TRAPPC10: variants seen among roughly 807,000 people sequenced by gnomAD.
TRAPPC10 encodes TRAPP 130 kDa subunit.
A neutral mutation model predicts 125.5 loss-of-function variants in TRAPPC10; 23 were observed. The observed-to-expected ratio is 0.18, with a 90% CI of 0.13 to 0.26. TRAPPC10 has a LOEUF of 0.26. Ranked by LOEUF, TRAPPC10 falls within the 10% of genes least tolerant of loss-of-function variation. The probability of loss-of-function intolerance (pLI) is 1.00; values close to 1 mark genes in which losing one functional copy is unlikely to be tolerated. For synonymous variants in TRAPPC10, 509 were observed against 518.0 expected, an observed-to-expected ratio of 0.98 and a Z score of 0.24; for missense variants, 1,123 against 1,308.4, an observed-to-expected ratio of 0.86 and a Z score of 2.19.
chr21:44,072,106 G>T (rs1432999007), intron 7 of TRAPPC10, among the ~76,000 whole-genome samples: 2 of 152,234 alleles, frequency 1.3e-5, no homozygotes, highest in East Asian at 3.8e-4. Context: ...ACCAAAGCGG[G>T]ACTTGCTCTT....
intron 1 of TRAPPC10, among the ~76,000 whole-genome samples, chr21:44,026,391 T>C (rs968307102): frequency 6.6e-6 from 1 of 152,226 alleles, no homozygotes; most frequent in Non-Finnish European, 1.5e-5. Context: ...AAATACTTTA[T>C]GCATTATTGA....
In TRAPPC10 at chr21:44,094,181, T is replaced by C. The variant is rs368694768; in HGVS notation, c.3116T>C (p.Leu1039Pro). ...VGFSPASEEQ[L>P]SISLKPYTYE... ...TTTTCCCCAGCTTCTGAGGAACAGCTGTCTATCTCCTTAAAGCCGTATACT... is the reference window on the plus strand; with the variant it reads ...TTTTCCCCAGCTTCTGAGGAACAGCCGTCTATCTCCTTAAAGCCGTATACT... The change falls in exon 20 of 23, where the codon CTG (leucine) becomes CCG (proline). Residue 1039 changes from leucine to proline, a missense_variant. Physicochemically the swap from Leu to Pro is moderately conservative, Grantham distance 98. Coordinates refer to ENST00000291574, the MANE Select transcript of TRAPPC10 (RefSeq NM_003274.5). 31 of 1,614,122 alleles carry C rather than the reference T, an allele frequency of 1.9e-5. No individual in the cohort carries two copies. The highest frequency in any genetic ancestry group is 2.5e-5 in the Non-Finnish European group (30 of 1,180,054).
intron 11 of TRAPPC10, 146 bp downstream of exon 11, chr21:44,077,930 C>A: frequency 2.0e-6 from 1 of 488,744 alleles, no homozygotes; most frequent in Non-Finnish European, 3.4e-6. Flanking sequence ...ATTTTTTTTT[C>A]AGTTTCTTCT....
rs558955583 is a variant in TRAPPC10 at position 44,065,563 on chromosome 21, G to A, written c.1038+1778G>A. Among the ~76,000 whole-genome samples the A allele has an allele frequency of 2.0e-5, 3 of 152,338 alleles. No homozygotes were observed. In the South Asian group the frequency reaches 6.2e-4, roughly 32 times the overall value. On this transcript the variant is annotated intron_variant, in intron 7 of 22. Transcript: ENST00000291574. The stretch of plus-strand genomic sequence containing the variant: ...AGGTGAATGCTGGATTTGAGGCAAG[G>A]ACGTGTCACCCACTGATGACTTTCT...
At chr21:44,055,583 A>G in intron 4 of TRAPPC10, 115 bp from the exon 5 acceptor site, 1 of 869,272 alleles carries the variant, frequency 1.2e-6, no homozygotes, top group Admixed American at 2.5e-5. Flanking sequence ...GTCTCAAAAA[A>G]AAAAAAAAAA....
intron 7 of TRAPPC10, among the ~76,000 whole-genome samples, chr21:44,069,273 A>G (rs2036678373): frequency 6.6e-6 from 1 of 152,180 alleles, no homozygotes. Context: ...ACCAGTATAT[A>G]TAGACAAGAA....
At chr21:44,031,581 G>A (rs1264667345) in intron 1 of TRAPPC10, among the ~76,000 whole-genome samples, 2 of 152,294 alleles carry the variant, frequency 1.3e-5, no homozygotes, top group South Asian at 2.1e-4. Context: ...GGAGTTATGG[G>A]GAAGACAGAA....
intron 19 of TRAPPC10, among the ~76,000 whole-genome samples, chr21:44,092,395 C>T (rs7282403): frequency 0.067 from 10,129 of 152,310 alleles, 408 homozygotes; most frequent in Middle Eastern, 0.12. Context: ...AGTGCCAGAG[C>T]GATGGTGCCC....
At chr21:44,060,925 C>T (rs1161541259) in intron 6 of TRAPPC10, among the ~76,000 whole-genome samples, 4 of 149,810 alleles carry the variant, frequency 2.7e-5, no homozygotes, top group East Asian at 2.0e-4. Context: ...TACACACACA[C>T]ACACACACAC....
At position 44,083,131 on chromosome 21, in the gene TRAPPC10, G is replaced by A. The variant is rs917490678; in HGVS notation, c.2067G>A (p.Leu689=). The A allele has an allele frequency of 4.3e-6, 7 of 1,614,034 alleles. No homozygotes were observed. The highest frequency in any genetic ancestry group is 5.9e-6 in the Non-Finnish European group (7 of 1,180,054). ...MFERSPSDNS[L]NTTGIICRNV... is the part of the protein sequence containing the mutation. ...AGAGAAGCCCATCTGATAACTCCTT[G>A]AACACGACTGGGATTATCTGCAGAA... The change falls in exon 14 of 23, where the codon TTG becomes TTA. Residue 689 remains leucine (L), a synonymous_variant. Coordinates refer to ENST00000291574, the MANE Select transcript of TRAPPC10 (RefSeq NM_003274.5).
At chr21:44,034,332 A>ACCCCCCCCCCCCC (rs71197877) in intron 2 of TRAPPC10, among the ~76,000 whole-genome samples, 1 of 101,552 alleles carries the variant, frequency 9.8e-6, no homozygotes, top group African/African-American at 3.5e-5. Flanking sequence ...CACTCCCCCA[A>ACCCCCCCCCCCCC]CCCCCCCCCC....
intron 3 of TRAPPC10, among the ~76,000 whole-genome samples, chr21:44,045,256 G>A (rs985294990): frequency 2.6e-5 from 4 of 152,050 alleles, no homozygotes; most frequent in Non-Finnish European, 5.9e-5. Flanking sequence ...CTTCCTTTGT[G>A]CAGATCCAGG....
intron 19 of TRAPPC10, among the ~76,000 whole-genome samples, chr21:44,093,311 C>T (rs1483479407): frequency 6.6e-6 from 1 of 151,422 alleles, no homozygotes; most frequent in African/African-American, 2.4e-5. Context: ...AAAAATTAGT[C>T]AGGCATGGTG....
chr21:44,023,025 CTTT>C (rs1028804319), intron 1 of TRAPPC10, among the ~76,000 whole-genome samples: 1 of 80,228 alleles, frequency 1.2e-5, no homozygotes. Context: ...TTCCCTATGT[CTTT>C]TTTTTTTTTT....
At chr21:44,036,750 G>A (rs139506033) in intron 2 of TRAPPC10, among the ~76,000 whole-genome samples, 1 of 152,194 alleles carries the variant, frequency 6.6e-6, no homozygotes, top group African/African-American at 2.4e-5. Context: ...CTGAAGTTAA[G>A]GTGTCACTTT....
Position 44,087,013 on chromosome 21 carries a change from G to C in TRAPPC10, c.2539+53G>C, listed in dbSNP as rs570246140. 4.3e-5 allele frequency: 69 copies of C among 1,591,750 alleles called. 1 individual carries two copies. The Middle Eastern group carries it at 9.5e-4, about 22-fold the overall frequency. ...GAGGATGCCCACCTTGCCCTGCACTGTGTGGGTGTGAGGGTGAGCCTGGCC... is the reference window on the plus strand; with the variant it reads ...GAGGATGCCCACCTTGCCCTGCACTCTGTGGGTGTGAGGGTGAGCCTGGCC... On this transcript the variant is annotated intron_variant, in intron 16 of 22. Transcript: ENST00000291574. The surrounding 1 kb of genome is among the most constrained non-coding windows in gnomAD (Gnocchi z 4.6).
Position 44,078,619 on chromosome 21 carries a change from C to T in TRAPPC10, c.1469+835C>T, listed in dbSNP as rs576786928. On this transcript the variant is annotated intron_variant, in intron 11 of 22. Coordinates refer to ENST00000291574, the MANE Select transcript of TRAPPC10 (RefSeq NM_003274.5). ...CCGGATGTGGTTGGAGCAGCTTTGCCGATTACCCACTGGTTAACAGCAGAG... is the reference window on the plus strand; with the variant it reads ...CCGGATGTGGTTGGAGCAGCTTTGCTGATTACCCACTGGTTAACAGCAGAG... Among the ~76,000 whole-genome samples, 19 of 152,238 alleles carry T rather than the reference C, an allele frequency of 1.2e-4. No homozygotes were observed. The South Asian group carries it at 2.3e-3, about 18-fold the overall frequency.
intron 3 of TRAPPC10, among the ~76,000 whole-genome samples, chr21:44,039,471 T>C (rs2034258805): frequency 6.6e-6 from 1 of 152,240 alleles, no homozygotes; most frequent in Non-Finnish European, 1.5e-5. Context: ...CGCGTCTCCA[T>C]GGAGCCCTGG....
In TRAPPC10 at chr21:44,086,851, C is replaced by G; in HGVS notation, c.2430C>G (p.Thr810=). Reference sequence around the variant, plus strand: ...AGAGAGTCAAGTTCACTGTCACTACCGGCCATTATACGATAAAGAATGGAG... The same window carrying G: ...AGAGAGTCAAGTTCACTGTCACTACGGGCCATTATACGATAAAGAATGGAG... The part of the protein sequence containing the change: ...IPQRVKFTVT[T]GHYTIKNGDS... The change falls in exon 16 of 23, where the codon ACC becomes ACG. Residue 810 remains threonine, a synonymous_variant. Transcript: ENST00000291574. 6.2e-7 allele frequency: 1 copy of G among 1,614,174 alleles called. No homozygotes were observed. Among genetic ancestry groups the G allele is most frequent in the Non-Finnish European group, 8.5e-7 (1 of 1,180,032 alleles).
Sources: allele counts gnomAD v4.1 joint callset (sites outside exome capture counted in the v4.1 genomes callset), GRCh38; gene constraint gnomAD v4.1.1; non-coding constraint Gnocchi (gnomAD v3.1); transcripts MANE v1.5; gene names NCBI Gene and HGNC (gene_info 2026-07-23, HGNC 2026-07-21).